RTL4: variants seen among roughly 807,000 people sequenced by gnomAD.
The protein encoded by RTL4 is retrotransposon Gag like 4.
RTL4 carries 4 observed loss-of-function variants against 5.3 expected under a neutral mutation model. The ratio of observed to expected loss-of-function variants is 0.75; its 90% CI spans 0.37 to 1.72. The LOEUF is 1.72. RTL4 is among the 40% of genes most tolerant of loss of function. RTL4 has a pLI of 0.04. For synonymous variants in RTL4, 98 were observed against 87.3 expected, an observed-to-expected ratio of 1.12 and a Z score of -0.68; for missense variants, 260 against 227.1, an observed-to-expected ratio of 1.14 and a Z score of -0.93.
the RTL4 span, among the ~76,000 whole-genome samples, chrX:112,428,855 A>AAAG: frequency 1.8e-5 from 2 of 111,508 alleles, no homozygotes; most frequent in Admixed American, 9.6e-5. Context: ...CATATACACT[A>AAAG]AAGATTGCTA....
At chrX:112,279,293 A>G in the RTL4 span, among the ~76,000 whole-genome samples, 2 of 111,839 alleles carry the variant, frequency 1.8e-5, no homozygotes, top group Non-Finnish European at 3.8e-5. Context: ...ATTTTATACT[A>G]TTAGGTACAA....
At chrX:112,190,265 GTTTA>G in the RTL4 span, among the ~76,000 whole-genome samples, 1 of 105,039 alleles carries the variant, frequency 9.5e-6, no homozygotes, top group South Asian at 4.3e-4. Context: ...CTCAGTAAAT[GTTTA>G]TTTATTAAAC....
chrX:112,099,795 G>A, the RTL4 span, among the ~76,000 whole-genome samples: 1 of 111,368 alleles, frequency 9.0e-6, no homozygotes, highest in Non-Finnish European at 1.9e-5. Flanking sequence ...CAGACTAGAG[G>A]CATGGAGATA....
the RTL4 span, among the ~76,000 whole-genome samples, chrX:112,107,155 T>C: frequency 8.9e-6 from 1 of 112,247 alleles, no homozygotes; most frequent in Non-Finnish European, 1.9e-5. Context: ...CAGGTTATTT[T>C]AAGCTGATGA....
the RTL4 span, among the ~76,000 whole-genome samples, chrX:112,363,174 A>T: frequency 9.0e-6 from 1 of 111,084 alleles, no homozygotes; most frequent in Non-Finnish European, 1.9e-5. Flanking sequence ...AATGAAAAAC[A>T]ATGGGAGGCT....
At chrX:112,224,017 A>C in the RTL4 span, among the ~76,000 whole-genome samples, 1 of 111,569 alleles carries the variant, frequency 9.0e-6, no homozygotes, top group African/African-American at 3.3e-5. Flanking sequence ...CTCAGTATTG[A>C]ATATCTGTTA....
At chrX:112,380,038 CT>C in the RTL4 span, among the ~76,000 whole-genome samples, 502 of 111,560 alleles carry the variant, frequency 4.5e-3, 4 homozygotes, top group African/African-American at 0.015. Context: ...TCCTTATAGG[CT>C]TGGCTTTTCC....
At chrX:112,248,921 A>G in the RTL4 span, among the ~76,000 whole-genome samples, 1 of 112,452 alleles carries the variant, frequency 8.9e-6, no homozygotes, top group African/African-American at 3.2e-5. Context: ...AGATGGTACT[A>G]GAAAACGAGA....
the RTL4 span, among the ~76,000 whole-genome samples, chrX:112,087,899 C>T: frequency 9.0e-6 from 1 of 111,466 alleles, no homozygotes; most frequent in African/African-American, 3.3e-5. Context: ...TGAAGTGACT[C>T]ATAACATAAA....
At chrX:112,086,874 G>A in the RTL4 span, among the ~76,000 whole-genome samples, 1 of 111,961 alleles carries the variant, frequency 8.9e-6, no homozygotes, top group Non-Finnish European at 1.9e-5. Context: ...CATTTTTCAA[G>A]AGAACATTTA....
At chrX:112,228,821 A>G in the RTL4 span, among the ~76,000 whole-genome samples, 1 of 111,367 alleles carries the variant, frequency 9.0e-6, no homozygotes, top group Non-Finnish European at 1.9e-5. Flanking sequence ...AGTTAGTGAG[A>G]TGTGTTTTTG....
the RTL4 span, among the ~76,000 whole-genome samples, chrX:112,373,634 T>A: frequency 9.1e-6 from 1 of 110,085 alleles, no homozygotes; most frequent in African/African-American, 3.3e-5. Context: ...TACAATGGAA[T>A]ACATACAATA....
the RTL4 span, among the ~76,000 whole-genome samples, chrX:112,412,188 G>A: frequency 4.5e-5 from 5 of 110,959 alleles, no homozygotes; most frequent in African/African-American, 1.6e-4. Flanking sequence ...AAACACTGGT[G>A]AAAAAAATTG....
At chrX:112,387,021 T>A in the RTL4 span, among the ~76,000 whole-genome samples, 2 of 111,336 alleles carry the variant, frequency 1.8e-5, no homozygotes. Context: ...ACATCTATTT[T>A]TTTTTTATTT....
At chrX:112,227,099 A>C in the RTL4 span, among the ~76,000 whole-genome samples, 1 of 111,131 alleles carries the variant, frequency 9.0e-6, no homozygotes, top group African/African-American at 3.3e-5. Flanking sequence ...TCAGCATTTG[A>C]GCTTGTCTTT....
At chrX:112,310,972 G>T in the RTL4 span, among the ~76,000 whole-genome samples, 1 of 103,507 alleles carries the variant, frequency 9.7e-6, no homozygotes, top group Non-Finnish European at 2.0e-5. Flanking sequence ...TCTTGCAGCT[G>T]TCTCTGACCT....
chrX:112,442,637 CAG>C, the RTL4 span, among the ~76,000 whole-genome samples: 2 of 111,747 alleles, frequency 1.8e-5, no homozygotes, highest in African/African-American at 6.5e-5. Flanking sequence ...ATGTTCTGCA[CAG>C]AGTCATGTCC....
At chrX:112,190,026 T>C in the RTL4 span, among the ~76,000 whole-genome samples, 1 of 112,299 alleles carries the variant, frequency 8.9e-6, no homozygotes, top group Middle Eastern at 4.2e-3. Flanking sequence ...TTTACATGCA[T>C]GCACAATGCT....
At chrX:112,136,720 G>C in the RTL4 span, among the ~76,000 whole-genome samples, 2 of 111,768 alleles carry the variant, frequency 1.8e-5, no homozygotes, top group African/African-American at 6.5e-5. Flanking sequence ...AAAGATCCCA[G>C]CTACTCAAAG....
Sources: allele counts gnomAD v4.1 joint callset (sites outside exome capture counted in the v4.1 genomes callset), GRCh38; gene constraint gnomAD v4.1.1; transcripts MANE v1.5; gene names NCBI Gene and HGNC (gene_info 2026-07-23, HGNC 2026-07-21).